Variants in MSRA observed in about 807,000 individuals in gnomAD.
MSRA encodes the protein mitochondrial peptide methionine sulfoxide reductase.
Under a neutral mutation model 31.3 loss-of-function variants are expected in MSRA, and 54 were observed. That is an observed-to-expected ratio of 1.73 (90% CI 1.39 to 2.17). The LOEUF (loss-of-function observed/expected upper bound fraction) is 2.17, where lower values mean the gene tolerates loss of function less well. MSRA is among the 30% of genes most tolerant of loss of function. MSRA has a pLI of 0.00. For missense variants in MSRA, 507 were observed against 300.9 expected (o/e 1.69, Z -5.07); for synonymous variants, 169 against 116.5 (o/e 1.45, Z -2.90).
chr8:10,105,614 A>G (rs1256563779), intron 1 of MSRA, among the ~76,000 whole-genome samples: 1 of 152,162 alleles, frequency 6.6e-6, no homozygotes, highest in Non-Finnish European at 1.5e-5. Context: ...CTTAGAAAGA[A>G]TGTTCTGTTG....
chr8:10,201,255 C>T (rs1808471702), intron 1 of MSRA, among the ~76,000 whole-genome samples: 3 of 152,046 alleles, frequency 2.0e-5, no homozygotes, highest in Non-Finnish European at 4.4e-5. Flanking sequence ...CAGTCCAGAT[C>T]CCTCAGGAGC....
intron 1 of MSRA, among the ~76,000 whole-genome samples, chr8:10,133,719 G>A: frequency 6.6e-6 from 1 of 152,248 alleles, no homozygotes; most frequent in East Asian, 1.9e-4. Context: ...GAAGTGCTCA[G>A]GAAATGGTAG....
intron 3 of MSRA, among the ~76,000 whole-genome samples, chr8:10,251,857 A>G (rs960652031): frequency 3.0e-5 from 4 of 131,560 alleles, no homozygotes; most frequent in Admixed American, 1.5e-4. Context: ...AAGGGTTGAC[A>G]TGGTGGGGGG....
At chr8:10,094,001 C>G (rs369876403) in intron 1 of MSRA, among the ~76,000 whole-genome samples, 1 of 152,180 alleles carries the variant, frequency 6.6e-6, no homozygotes, top group African/African-American at 2.4e-5. Flanking sequence ...ATTCCTTGCA[C>G]GTGATGAGTC....
chr8:10,062,445 C>T (rs546084402), intron 1 of MSRA, among the ~76,000 whole-genome samples: 1 of 152,186 alleles, frequency 6.6e-6, no homozygotes, highest in Non-Finnish European at 1.5e-5. Context: ...ATATGTAGCA[C>T]TACACAATGA....
intron 5 of MSRA, among the ~76,000 whole-genome samples, chr8:10,335,401 C>T (rs991166424): frequency 1.3e-5 from 2 of 152,004 alleles, no homozygotes; most frequent in African/African-American, 4.8e-5. Flanking sequence ...TCCAAAGCCG[C>T]GAGGACAGCA....
intron 2 of MSRA, among the ~76,000 whole-genome samples, chr8:10,225,507 G>A (rs1810916470): frequency 6.6e-6 from 1 of 152,092 alleles, no homozygotes; most frequent in Non-Finnish European, 1.5e-5. Flanking sequence ...CGATAGAAGT[G>A]GGAAAAATTC....
At chr8:10,112,531 A>G (rs1240390579) in intron 1 of MSRA, among the ~76,000 whole-genome samples, 1 of 152,228 alleles carries the variant, frequency 6.6e-6, no homozygotes, top group Non-Finnish European at 1.5e-5. Flanking sequence ...AATAAGAAAT[A>G]CAAATACTGG....
intron 1 of MSRA, among the ~76,000 whole-genome samples, chr8:10,083,808 G>A (rs1012188379): frequency 2.0e-5 from 3 of 151,914 alleles, no homozygotes; most frequent in African/African-American, 4.8e-5. Flanking sequence ...CTGTATTCAC[G>A]ATGTTTCAGA....
chr8:10,328,772 A>T (rs945729888), intron 5 of MSRA, among the ~76,000 whole-genome samples: 1 of 152,190 alleles, frequency 6.6e-6, no homozygotes, highest in African/African-American at 2.4e-5. Flanking sequence ...AGGCTCAAGA[A>T]CTTTCCAGAG....
intron 2 of MSRA, among the ~76,000 whole-genome samples, chr8:10,224,527 T>A (rs981155840): frequency 6.6e-6 from 1 of 151,704 alleles, no homozygotes; most frequent in African/African-American, 2.4e-5. Flanking sequence ...ATTATCTGGG[T>A]CCCCTTTTCT....
At chr8:10,157,754 T>C (rs780448362) in intron 1 of MSRA, among the ~76,000 whole-genome samples, 21 of 152,052 alleles carry the variant, frequency 1.4e-4, no homozygotes, top group Non-Finnish European at 2.6e-4. Flanking sequence ...GATAGGCCTC[T>C]CTCCCCCTCT....
chr8:10,265,728 G>C lies in MSRA; in HGVS notation c.331+20505G>C, dbSNP rs773995253. Among the ~76,000 whole-genome samples, 22 of 152,182 alleles carry C rather than the reference G, an allele frequency of 1.4e-4. No individual in the cohort carries two copies. The South Asian group carries it at 1.7e-3, about 11-fold the overall frequency. ...TGAGCAGATCCATTCCCCAAAAAAAGTTACCTCGCATGCCTTCATCATTCC... is the reference window on the plus strand; with the variant it reads ...TGAGCAGATCCATTCCCCAAAAAAACTTACCTCGCATGCCTTCATCATTCC... On this transcript the variant is annotated intron_variant, in intron 3 of 5. Coordinates refer to ENST00000317173, the MANE Select transcript of MSRA (RefSeq NM_012331.5).
At chr8:10,227,802 T>G (rs1026061032) in intron 2 of MSRA, among the ~76,000 whole-genome samples, 20 of 152,232 alleles carry the variant, frequency 1.3e-4, no homozygotes, top group African/African-American at 4.8e-4. Flanking sequence ...AATTGCTATA[T>G]GGTTTCTTTT....
intron 4 of MSRA, among the ~76,000 whole-genome samples, chr8:10,305,430 T>TC (rs1554520885): frequency 2.4e-5 from 3 of 125,656 alleles, no homozygotes; most frequent in South Asian, 2.5e-4. Context: ...TTTTTTTTTT[T>TC]CCGGATGGAG....
At chr8:10,298,955 C>T (rs1380948313) in intron 3 of MSRA, among the ~76,000 whole-genome samples, 3 of 152,138 alleles carry the variant, frequency 2.0e-5, no homozygotes, top group Non-Finnish European at 4.4e-5. Context: ...CTTTGTGGCT[C>T]TTGCTACATA....
intron 1 of MSRA, among the ~76,000 whole-genome samples, chr8:10,116,412 G>A (rs1350432795): frequency 2.0e-5 from 3 of 152,204 alleles, no homozygotes; most frequent in South Asian, 2.1e-4. Context: ...TTCACATAGT[G>A]AGTAAAAAGT....
intron 1 of MSRA, among the ~76,000 whole-genome samples, chr8:10,156,521 G>T (rs1330585927): frequency 2.0e-5 from 3 of 152,152 alleles, no homozygotes; most frequent in Admixed American, 2.0e-4. Context: ...AGTATTCAAT[G>T]CTATATCGTT....
chr8:10,224,568 G>C (rs1368009043), intron 2 of MSRA, among the ~76,000 whole-genome samples: 2 of 152,156 alleles, frequency 1.3e-5, no homozygotes, highest in Admixed American at 1.3e-4. Context: ...TCTTTAATGG[G>C]TTAGAGATGG....
Sources: allele counts gnomAD v4.1 joint callset (sites outside exome capture counted in the v4.1 genomes callset), GRCh38; gene constraint gnomAD v4.1.1; transcripts MANE v1.5; gene names NCBI Gene and HGNC (gene_info 2026-07-23, HGNC 2026-07-21).